The following DGKH variants were observed in gnomAD, a reference collection of about 807,000 sequenced individuals.
The protein encoded by DGKH is diacylglycerol kinase eta, also known as DAG kinase eta.
In DGKH, 90 loss-of-function variants were observed where a neutral mutation model predicts 159.3. The observed-to-expected ratio is 0.57, with a 90% CI of 0.48 to 0.67. The LOEUF (loss-of-function observed/expected upper bound fraction) is 0.67, where lower values mean the gene tolerates loss of function less well. DGKH is among the 30% of genes least tolerant of loss of function. The pLI is 0.00. For synonymous variants in DGKH, 536 were observed against 553.8 expected, an observed-to-expected ratio of 0.97 and a Z score of 0.45; for missense variants, 1,181 against 1,506.1, an observed-to-expected ratio of 0.78 and a Z score of 3.57.
In DGKH at chr13:42,159,263, T is replaced by TTTTTTTTTTTTTTTTA; in HGVS notation, c.623-3_623-2insTTTTTTTTTTTTTTTA. The stretch of plus-strand genomic sequence containing the variant: ...GTTGCTCTTTTTTTTTTTTTTTTTT[T>TTTTTTTTTTTTTTTTA]AGTGTGTAAATTCAAGGCTCACAAA... On this transcript the variant is annotated splice_polypyrimidine_tract_variant and splice_region_variant and intron_variant, in intron 5 of 29. Transcript: ENST00000337343. 8.0e-6 allele frequency: 10 copies of TTTTTTTTTTTTTTTTA among 1,249,716 alleles called. No individual in the cohort carries two copies. The highest frequency in any genetic ancestry group is 1.1e-5 in the Non-Finnish European group (10 of 894,570). 77.4% of individuals were successfully genotyped at this position (1,249,716 alleles called of 1,614,324 possible).
chr13:42,218,960 C>A (rs2138239186), intron 26 of DGKH, among the ~76,000 whole-genome samples: 1 of 152,126 alleles, frequency 6.6e-6, no homozygotes, highest in Non-Finnish European at 1.5e-5. Context: ...GAAAAAAACA[C>A]CAAAATAATA....
intron 1 of DGKH, among the ~76,000 whole-genome samples, chr13:42,123,429 T>C (rs1307691171): frequency 1.3e-5 from 2 of 152,128 alleles, no homozygotes; most frequent in Admixed American, 6.6e-5. Context: ...TTTGTGACTT[T>C]GGGTTAGACA....
chr13:42,091,028 C>T (rs994253873), intron 1 of DGKH, among the ~76,000 whole-genome samples: 1 of 152,134 alleles, frequency 6.6e-6, no homozygotes, highest in Non-Finnish European at 1.5e-5. Context: ...GACTTCCCAG[C>T]GTTCAGAACT....
At chr13:42,216,137 G>A (rs923575954) in intron 26 of DGKH, among the ~76,000 whole-genome samples, 5 of 152,230 alleles carry the variant, frequency 3.3e-5, no homozygotes, top group Admixed American at 1.3e-4. Context: ...GTTTAATCCA[G>A]ATTGGTCCTG....
At chr13:42,246,425 A>T (rs78656120), downstream of DGKH, among the ~76,000 whole-genome samples, 3 of 151,968 alleles carry the variant, frequency 2.0e-5, no homozygotes, top group Non-Finnish European at 2.9e-5. Flanking sequence ...CATCTCTATT[A>T]AAAAAAAGAG....
intron 14 of DGKH, 138 bp downstream of exon 14, chr13:42,187,286 C>G: frequency 1.4e-6 from 1 of 693,154 alleles, no homozygotes; most frequent in East Asian, 2.6e-5. Context: ...TGGATCAGAT[C>G]TGAGAATTTT....
chr13:42,091,200 T>C (rs1000906170), intron 1 of DGKH, among the ~76,000 whole-genome samples: 2 of 152,168 alleles, frequency 1.3e-5, no homozygotes, highest in Non-Finnish European at 2.9e-5. Flanking sequence ...AACATAGATA[T>C]GCTCGTAGAA....
At chr13:42,103,103 G>A (rs1954682864) in intron 1 of DGKH, among the ~76,000 whole-genome samples, 1 of 152,226 alleles carries the variant, frequency 6.6e-6, no homozygotes, top group Non-Finnish European at 1.5e-5. Context: ...GAAGTCTGCA[G>A]TCTGGGATCA....
At chr13:42,207,019 C>CTTTCTTTCTT (rs1957499255) in intron 21 of DGKH, among the ~76,000 whole-genome samples, 1 of 140,872 alleles carries the variant, frequency 7.1e-6, no homozygotes. Flanking sequence ...TTCTTTCTTT[C>CTTTCTTTCTT]TTTCTTTTTC....
At chr13:42,149,132 T>C (rs1191646341) in intron 3 of DGKH, among the ~76,000 whole-genome samples, 1 of 152,026 alleles carries the variant, frequency 6.6e-6, no homozygotes, top group Non-Finnish European at 1.5e-5. Flanking sequence ...CCTTGTGATA[T>C]TGCCCAGGCT....
chr13:42,087,993 A>G (rs905525895), intron 1 of DGKH, among the ~76,000 whole-genome samples: 5 of 152,182 alleles, frequency 3.3e-5, no homozygotes, highest in Admixed American at 2.0e-4. Flanking sequence ...GGAAACCAGG[A>G]GTAAGGAGAA....
At chr13:42,063,160 G>A (rs1170480762) in intron 1 of DGKH, among the ~76,000 whole-genome samples, 1 of 152,178 alleles carries the variant, frequency 6.6e-6, no homozygotes, top group Non-Finnish European at 1.5e-5. Context: ...ATCCTGCTAG[G>A]GCAATGTATC....
intron 13 of DGKH, among the ~76,000 whole-genome samples, chr13:42,179,031 A>T (rs1301714569): frequency 6.6e-6 from 1 of 152,264 alleles, no homozygotes; most frequent in Non-Finnish European, 1.5e-5. Flanking sequence ...GAAAGACAAG[A>T]TCAATCATTA....
intron 29 of DGKH, among the ~76,000 whole-genome samples, chr13:42,228,619 A>AGT (rs1958199843): frequency 6.6e-6 from 1 of 150,394 alleles, no homozygotes; most frequent in South Asian, 2.1e-4. Flanking sequence ...AGAGAGAGAG[A>AGT]GGGAGAGAGA....
intron 1 of DGKH, chr13:42,069,776 A>C: frequency 9.2e-7 from 1 of 1,088,592 alleles, no homozygotes; most frequent in African/African-American, 1.6e-5. Flanking sequence ...GTATGGCTAC[A>C]CTCCAGATCA....
At chr13:42,209,112 TAAGGAGGGTTG>T (rs1429167349) in intron 22 of DGKH, 40 bp downstream of exon 22, 1 of 1,560,590 alleles carries the variant, frequency 6.4e-7, no homozygotes. Context: ...CTTCTTGGGC[TAAGGAGGGTTG>T]AAGGAATCTA....
chr13:42,121,092 A>ACACACAC lies in DGKH; in HGVS notation c.193-6369_193-6368insCACACCA, dbSNP rs1566112080. ...ACACACACACACACACACACACACA[A>ACACACAC]CATGCGCACACACACACACACGCAC... On this transcript the variant is annotated intron_variant, in intron 1 of 29. Coordinates refer to ENST00000337343, the MANE Select transcript of DGKH (RefSeq NM_178009.5). 5.9e-4 allele frequency among the ~76,000 whole-genome samples: 32 copies of ACACACAC among 54,090 alleles called. 1 individual carries two copies. The highest frequency in any genetic ancestry group is 1.8e-3 in the African/African-American group (30 of 16,926). 35.5% of individuals were successfully genotyped at this position (54,090 alleles called of 152,430 possible).
upstream of DGKH, among the ~76,000 whole-genome samples, chr13:42,047,389 T>TACG (rs1880862956): frequency 6.6e-6 from 1 of 151,688 alleles, no homozygotes; most frequent in Non-Finnish European, 1.5e-5. Context: ...ACTGAAAAAA[T>TACG]ACGAAAGGAA....
intron 1 of DGKH, among the ~76,000 whole-genome samples, chr13:42,088,519 C>T (rs1349332001): frequency 2.0e-5 from 3 of 151,916 alleles, no homozygotes; most frequent in Non-Finnish European, 2.9e-5. Flanking sequence ...TTGTAAGAGT[C>T]TCATACTGTA....
Sources: allele counts gnomAD v4.1 joint callset (sites outside exome capture counted in the v4.1 genomes callset), GRCh38; gene constraint gnomAD v4.1.1; transcripts MANE v1.5; gene names NCBI Gene and HGNC (gene_info 2026-07-23, HGNC 2026-07-21).